TBCE: variants seen among roughly 807,000 people sequenced by gnomAD.
TBCE encodes the protein tubulin folding cofactor E.
In TBCE, 53 loss-of-function variants were observed where a neutral mutation model predicts 77.0. That is an observed-to-expected ratio of 0.69 (90% CI 0.55 to 0.87). The LOEUF (loss-of-function observed/expected upper bound fraction) is 0.87, where lower values mean the gene tolerates loss of function less well. Among genes scored for constraint, TBCE ranks in the 40% least tolerant of loss-of-function variants. The probability of loss-of-function intolerance (pLI) is 0.00; values close to 1 mark genes in which losing one functional copy is unlikely to be tolerated. For missense variants in TBCE, 624 were observed against 622.4 expected, an observed-to-expected ratio of 1.00 and a Z score of -0.03; for synonymous variants, 235 against 241.3, an observed-to-expected ratio of 0.97 and a Z score of 0.24.
chr1:235,420,666 A>G (rs959354642), intron 5 of TBCE, among the ~76,000 whole-genome samples: 3 of 152,042 alleles, frequency 2.0e-5, no homozygotes, highest in Non-Finnish European at 4.4e-5. Flanking sequence ...TATTTTTGGT[A>G]GAGACGGGGT....
chr1:235,375,041 C>T (rs930441054), intron 1 of TBCE, among the ~76,000 whole-genome samples: 2 of 147,994 alleles, frequency 1.4e-5, no homozygotes, highest in African/African-American at 5.1e-5. Context: ...CTGCCTCAGC[C>T]TCCCGAGTAG....
In TBCE at chr1:235,442,872, C is replaced by T. The variant is rs1451611643; in HGVS notation, c.1360C>T (p.His454Tyr). 1 of 1,614,044 alleles carries T rather than the reference C, an allele frequency of 6.2e-7. No individual in the cohort carries two copies. The highest frequency in any genetic ancestry group is 2.2e-5 in the East Asian group (1 of 44,856). Residue 454 changes from histidine to tyrosine, a missense_variant, in exon 15 of 17, where the codon CAT becomes TAT. Physicochemically the swap from His to Tyr is moderately conservative, Grantham distance 83. Coordinates refer to ENST00000642610, the MANE Select transcript of TBCE (RefSeq NM_003193.5). ...TAAAGCACTGAAGATAAAATACCCTCATCAACTTGATCAGAAAGTCCTGGA... is the reference window on the plus strand; with the variant it reads ...TAAAGCACTGAAGATAAAATACCCTTATCAACTTGATCAGAAAGTCCTGGA... ...QLLTLKIKYP[H>Y]QLDQKVLEKQ...
intron 15 of TBCE, among the ~76,000 whole-genome samples, chr1:235,448,093 A>T (rs1682552265): frequency 6.6e-6 from 1 of 151,956 alleles, no homozygotes; most frequent in African/African-American, 2.4e-5. Context: ...CCAGCTACTC[A>T]GGAGGCTGAG....
intron 1 of TBCE, among the ~76,000 whole-genome samples, chr1:235,372,937 A>G (rs903703791): frequency 6.6e-6 from 1 of 151,768 alleles, no homozygotes; most frequent in African/African-American, 2.4e-5. Flanking sequence ...AAAAAAAAAA[A>G]AAAAAAAAGA....
Position 235,448,811 on chromosome 1 carries a change from T to C in TBCE, c.*49T>C, listed in dbSNP as rs139691464. 1.5e-6 allele frequency: 2 copies of C among 1,328,926 alleles called. No individual in the cohort carries two copies. The highest frequency in any genetic ancestry group is 1.4e-5 in the African/African-American group (1 of 69,404). The allele number at this position is 1,328,926 out of a possible 1,614,324, so 82.3% of individuals were successfully genotyped here. On this transcript the variant is annotated 3_prime_UTR_variant, in exon 17 of 17. Transcript: ENST00000642610. ...ACCACACTGCTTATCGTGTCTGGGG[T>C]TCACCGGAAATAAATGATTCACTGG...
In TBCE at chr1:235,449,087, A is replaced by G; in HGVS notation, c.*325A>G. ...CTAATAAAATCTGAACACAGTTAAT[A>G]TCTGTCATAAGACTAGTTTTAATGG... is the stretch of plus-strand genomic sequence containing the variant. On this transcript the variant is annotated 3_prime_UTR_variant, in exon 17 of 17. Transcript: ENST00000642610. 3.3e-6 allele frequency: 1 copy of G among 305,842 alleles called. No individual in the cohort carries two copies. Among genetic ancestry groups the G allele is most frequent in the South Asian group, 2.9e-5 (1 of 33,906 alleles). 18.9% of individuals were successfully genotyped at this position (305,842 alleles called of 1,614,324 possible).
chr1:235,406,833 T>G (rs1041528811), intron 3 of TBCE, among the ~76,000 whole-genome samples: 2 of 139,522 alleles, frequency 1.4e-5, no homozygotes, highest in Admixed American at 7.1e-5. Flanking sequence ...CCTGGGCTTT[T>G]TTTTTTTTTT....
chr1:235,437,847 A>G lies in TBCE; in HGVS notation c.1116+373A>G, dbSNP rs149918862. Among the ~76,000 whole-genome samples, 10 of 152,106 alleles carry G rather than the reference A, an allele frequency of 6.6e-5. No individual in the cohort carries two copies. In the East Asian group the frequency reaches 1.7e-3, roughly 26 times the overall value. On this transcript the variant is annotated intron_variant, in intron 12 of 16. Coordinates refer to ENST00000642610, the MANE Select transcript of TBCE (RefSeq NM_003193.5). ...TTTAAAAAAAAAAAAAAAAGTAAAA[A>G]AATTATTTTTGAATATTGTAAAGGG...
intron 5 of TBCE, 152 bp downstream of exon 5, chr1:235,419,713 A>G: frequency 1.9e-6 from 2 of 1,069,446 alleles, no homozygotes; most frequent in South Asian, 2.8e-5. Context: ...GCCCAGATAA[A>G]TTATTTACCT....
At chr1:235,447,916 A>G (rs1682514145) in intron 15 of TBCE, among the ~76,000 whole-genome samples, 1 of 152,200 alleles carries the variant, frequency 6.6e-6, no homozygotes, top group Non-Finnish European at 1.5e-5. Context: ...TGACTTGGGT[A>G]AAATGAAAGA....
At position 235,449,043 on chromosome 1, in the gene TBCE, TA is replaced by T. The variant is rs535711932; in HGVS notation, c.*282del. The T allele has an allele frequency of 6.6e-5, 23 of 350,258 alleles. 1 individual carries two copies. The highest frequency in any genetic ancestry group is 5.9e-4 in the South Asian group (23 of 39,250). 21.7% of individuals were successfully genotyped at this position (350,258 alleles called of 1,614,324 possible). A position where few individuals can be genotyped will look rare whatever the true frequency, so the allele number is the denominator to read the frequency against. ...TTCATGATAAGATTTAAATATTAAATAGAAAGAAACTAGCTAGCCTAATAAA... is the reference window on the plus strand; with the variant it reads ...TTCATGATAAGATTTAAATATTAAATGAAAGAAACTAGCTAGCCTAATAAA... On this transcript the variant is annotated 3_prime_UTR_variant, in exon 17 of 17. Coordinates refer to ENST00000642610, the MANE Select transcript of TBCE (RefSeq NM_003193.5).
chr1:235,421,307 C>T (rs939535331), intron 5 of TBCE, among the ~76,000 whole-genome samples: 27 of 152,036 alleles, frequency 1.8e-4, no homozygotes, highest in African/African-American at 5.6e-4. Context: ...CTCAGCTACT[C>T]GGGAGGCTGA....
intron 6 of TBCE, among the ~76,000 whole-genome samples, chr1:235,428,315 C>T (rs1157907018): frequency 1.3e-5 from 2 of 152,162 alleles, no homozygotes; most frequent in African/African-American, 4.8e-5. Context: ...CAGAGCGAGA[C>T]TCCATCTCAG....
At chr1:235,425,719 G>A (rs546848147) in intron 5 of TBCE, among the ~76,000 whole-genome samples, 3 of 151,966 alleles carry the variant, frequency 2.0e-5, no homozygotes, top group East Asian at 1.9e-4. Flanking sequence ...CCCTCTGCTC[G>A]AGTCACACAG....
At chr1:235,417,537 G>A (rs554571519) in intron 4 of TBCE, among the ~76,000 whole-genome samples, 12 of 152,346 alleles carry the variant, frequency 7.9e-5, no homozygotes, top group African/African-American at 2.6e-4. Context: ...TCCAGGGTTT[G>A]GGAAGTTGGG....
chr1:235,446,940 G>GCTGGT (rs1164357661), intron 15 of TBCE, among the ~76,000 whole-genome samples: 2 of 152,234 alleles, frequency 1.3e-5, no homozygotes, highest in African/African-American at 4.8e-5. Context: ...CTCCCAAAGT[G>GCTGGT]CTGGGGTTAC....
chr1:235,437,230 C>A (rs1035929841), intron 11 of TBCE, 92 bp from the exon 12 acceptor site: 1 of 1,509,056 alleles, frequency 6.6e-7, no homozygotes, highest in Non-Finnish European at 9.2e-7. Context: ...CAGATTAGAA[C>A]TAGGGACATG....
In TBCE at chr1:235,379,088, C is replaced by T. The variant is rs191720256; in HGVS notation, c.-31-931C>T. Among the ~76,000 whole-genome samples the T allele has an allele frequency of 8.6e-3, 1,314 of 152,182 alleles. 7 individuals are homozygous for T. Among genetic ancestry groups the T allele is most frequent in the Non-Finnish European group, 0.014 (955 of 67,994 alleles). ...TTTTTCTTTTCTGTTTTTTCTTTCT[C>T]CGACTTCTTAGGGATTTCTTCTTTC... is the stretch of plus-strand genomic sequence containing the variant. On this transcript the variant is annotated intron_variant, in intron 1 of 16. Coordinates refer to ENST00000642610, the MANE Select transcript of TBCE (RefSeq NM_003193.5).
At chr1:235,443,205 C>T (rs1257975044) in intron 15 of TBCE, among the ~76,000 whole-genome samples, 2 of 151,722 alleles carry the variant, frequency 1.3e-5, no homozygotes, top group Admixed American at 1.3e-4. Flanking sequence ...TACACACACA[C>T]ACACAATTTT....
Sources: allele counts gnomAD v4.1 joint callset (sites outside exome capture counted in the v4.1 genomes callset), GRCh38; gene constraint gnomAD v4.1.1; transcripts MANE v1.5; gene names NCBI Gene and HGNC (gene_info 2026-07-23, HGNC 2026-07-21).